PTPRO: variants seen among roughly 807,000 people sequenced by gnomAD.
PTPRO encodes the protein receptor-type tyrosine-protein phosphatase O.
A neutral mutation model predicts 145.2 loss-of-function variants in PTPRO; 62 were observed. That is an observed-to-expected ratio of 0.43 (90% CI 0.35 to 0.53). The LOEUF (loss-of-function observed/expected upper bound fraction) is 0.53. Ranked by LOEUF, PTPRO falls within the 20% of genes least tolerant of loss-of-function variation. PTPRO has a pLI of 0.01. For synonymous variants in PTPRO, 565 were observed against 514.7 expected, an observed-to-expected ratio of 1.10 and a Z score of -1.32; for missense variants, 1,345 against 1,482.7, an observed-to-expected ratio of 0.91 and a Z score of 1.53.
In PTPRO at chr12:15,551,570, T is replaced by C. The variant is rs1449336564; in HGVS notation, c.2457T>C (p.Asn819=). The C allele has an allele frequency of 1.2e-6, 2 of 1,613,696 alleles. No homozygotes were observed. Among genetic ancestry groups the C allele is most frequent in the South Asian group, 1.1e-5 (1 of 91,074 alleles). The change falls in exon 15 of 27, where the codon AAT becomes AAC. Residue 819 remains asparagine (N), a synonymous_variant. Coordinates refer to ENST00000281171, the MANE Select transcript of PTPRO (RefSeq NM_030667.3). ...VSTMVTEMNP[N]VVVISVLAIL... ...CTTTAGTTACAGAGATGAATCCCAATGTGGTAGTGATCTCCGTGCTGGCCA... is the reference window on the plus strand; with the variant it reads ...CTTTAGTTACAGAGATGAATCCCAACGTGGTAGTGATCTCCGTGCTGGCCA...
chr12:15,469,529 T>C (rs1397843498), intron 1 of PTPRO, among the ~76,000 whole-genome samples: 1 of 152,034 alleles, frequency 6.6e-6, no homozygotes, highest in Non-Finnish European at 1.5e-5. Flanking sequence ...AGCTTCCAGG[T>C]CTTTAAACTT....
intron 2 of PTPRO, among the ~76,000 whole-genome samples, chr12:15,485,365 T>C (rs1479095193): frequency 6.6e-6 from 1 of 152,144 alleles, no homozygotes; most frequent in Non-Finnish European, 1.5e-5. Flanking sequence ...TAAAATACTG[T>C]CTTAAACAAG....
intron 1 of PTPRO, among the ~76,000 whole-genome samples, chr12:15,381,842 A>C (rs1938871592): frequency 6.6e-6 from 1 of 152,050 alleles, no homozygotes; most frequent in African/African-American, 2.4e-5. Flanking sequence ...TAGCTGGAAA[A>C]ATGTTTTTCC....
intron 1 of PTPRO, among the ~76,000 whole-genome samples, chr12:15,417,885 T>A (rs1039744259): frequency 6.6e-6 from 1 of 151,770 alleles, no homozygotes; most frequent in Non-Finnish European, 1.5e-5. Flanking sequence ...TCTTTACAGA[T>A]GATATCTCTC....
chr12:15,457,583 T>A (rs1427997766), intron 1 of PTPRO, among the ~76,000 whole-genome samples: 1 of 152,094 alleles, frequency 6.6e-6, no homozygotes, highest in Non-Finnish European at 1.5e-5. Context: ...TTCCTTTGTA[T>A]TTTTTAAAAT....
chr12:15,574,605 T>C (rs1944137908), intron 19 of PTPRO, among the ~76,000 whole-genome samples: 1 of 152,240 alleles, frequency 6.6e-6, no homozygotes, highest in South Asian at 2.1e-4. Context: ...TCAACACCAC[T>C]GGCACTTTCT....
At chr12:15,467,114 T>G (rs977281526) in intron 1 of PTPRO, among the ~76,000 whole-genome samples, 4 of 152,176 alleles carry the variant, frequency 2.6e-5, no homozygotes, top group Non-Finnish European at 4.4e-5. Flanking sequence ...GCCTAAAAAG[T>G]ACTTAACACA....
In PTPRO at chr12:15,501,904, G is replaced by A. The variant is rs767153532; in HGVS notation, c.946G>A (p.Val316Ile). ...APESEDEFVS[V>I]LPMEYENNST... ...TGAAAGTGAAGATGAATTTGTCAGC[G>A]TACTTCCCATGGAATACGAAAATAA... Residue 316 changes from valine to isoleucine, a missense_variant, in exon 5 of 27, where the codon GTA becomes ATA. By Grantham distance (29) the Val-to-Ile change is conservative. Coordinates refer to ENST00000281171, the MANE Select transcript of PTPRO (RefSeq NM_030667.3). 52 of 1,613,900 alleles carry A rather than the reference G, an allele frequency of 3.2e-5. No homozygotes were observed. In the Admixed American group the frequency reaches 6.0e-4, roughly 19 times the overall value.
intron 15 of PTPRO, among the ~76,000 whole-genome samples, chr12:15,555,915 T>C (rs982766510): frequency 2.6e-5 from 4 of 152,220 alleles, no homozygotes; most frequent in African/African-American, 9.7e-5. Context: ...TATGTAATAG[T>C]CTAACAATTT....
intron 9 of PTPRO, among the ~76,000 whole-genome samples, chr12:15,519,709 TA>T (rs1485675184): frequency 1.3e-5 from 2 of 152,210 alleles, no homozygotes; most frequent in Non-Finnish European, 2.9e-5. Context: ...AGAAAACAGG[TA>T]AAAATTGCTC....
At chr12:15,578,808 C>A (rs1341861896) in intron 19 of PTPRO, 45 bp from the exon 20 acceptor site, 2 of 1,417,172 alleles carry the variant, frequency 1.4e-6, no homozygotes, top group South Asian at 1.2e-5. Context: ...TAATCCAATT[C>A]ACACCACGTA....
intron 1 of PTPRO, among the ~76,000 whole-genome samples, chr12:15,481,384 A>C (rs1193201857): frequency 6.6e-6 from 1 of 152,234 alleles, no homozygotes; most frequent in Non-Finnish European, 1.5e-5. Flanking sequence ...TTCACCACAT[A>C]GCTGAAACCA....
At chr12:15,444,164 CA>C (rs2136365042) in intron 1 of PTPRO, among the ~76,000 whole-genome samples, 1 of 152,044 alleles carries the variant, frequency 6.6e-6, no homozygotes, top group Admixed American at 6.6e-5. Flanking sequence ...TAGAAGAGAA[CA>C]AAATTATGTC....
At chr12:15,553,913 G>T (rs1943542886) in intron 15 of PTPRO, among the ~76,000 whole-genome samples, 2 of 152,080 alleles carry the variant, frequency 1.3e-5, no homozygotes, top group African/African-American at 4.8e-5. Flanking sequence ...ATATGGAATG[G>T]AAATGAAAAA....
intron 1 of PTPRO, among the ~76,000 whole-genome samples, chr12:15,330,148 C>T (rs1475818929): frequency 6.6e-5 from 10 of 152,290 alleles, no homozygotes; most frequent in East Asian, 3.9e-4. Flanking sequence ...TCAGATAGAG[C>T]GCTTTGCCTG....
intron 2 of PTPRO, among the ~76,000 whole-genome samples, chr12:15,487,709 C>T (rs1409703803): frequency 6.6e-6 from 1 of 152,118 alleles, no homozygotes; most frequent in African/African-American, 2.4e-5. Context: ...GTGTCTGTGT[C>T]TCCCAGTTAG....
At chr12:15,520,893 T>C (rs1039774999) in intron 10 of PTPRO, among the ~76,000 whole-genome samples, 7 of 152,212 alleles carry the variant, frequency 4.6e-5, no homozygotes, top group Admixed American at 3.3e-4. Context: ...TCTGTTATTA[T>C]TTATTACAAC....
chr12:15,538,513 G>A (rs968754249), intron 12 of PTPRO, among the ~76,000 whole-genome samples: 23 of 152,250 alleles, frequency 1.5e-4, no homozygotes, highest in African/African-American at 4.8e-4. Context: ...GTGAGCCACC[G>A]CGCCCGGCCC....
chr12:15,443,105 T>C (rs1380540548), intron 1 of PTPRO, among the ~76,000 whole-genome samples: 1 of 152,180 alleles, frequency 6.6e-6, no homozygotes, highest in Non-Finnish European at 1.5e-5. Flanking sequence ...AACAGCATGG[T>C]ACTCTTACGA....
Sources: gnomAD v4.1 joint callset for allele counts (sites outside exome capture counted in the v4.1 genomes callset) on GRCh38, gnomAD v4.1.1 for gene constraint, MANE v1.5 for transcripts, NCBI Gene and HGNC (gene_info 2026-07-23, HGNC 2026-07-21) for gene names.